CHRDL1: variants seen among roughly 807,000 people sequenced by gnomAD.
CHRDL1 encodes chordin like 1, also known as chordin-like protein 1.
In CHRDL1, 19 loss-of-function variants were observed where a neutral mutation model predicts 40.9. That is an observed-to-expected ratio of 0.46 (90% CI 0.32 to 0.68). The LOEUF (loss-of-function observed/expected upper bound fraction) is 0.68. Among genes scored for constraint, CHRDL1 ranks in the 30% least tolerant of loss-of-function variants. The probability of loss-of-function intolerance (pLI) is 0.03; values close to 1 mark genes in which losing one functional copy is unlikely to be tolerated. For synonymous variants in CHRDL1, 136 were observed against 123.4 expected (o/e 1.10, Z -0.68); for missense variants, 329 against 352.1 (o/e 0.93, Z 0.53).
chrX:110,781,410 G>A (rs1007534625), intron 2 of CHRDL1, among the ~76,000 whole-genome samples: 14 of 111,157 alleles, frequency 1.3e-4, no homozygotes, highest in Admixed American at 4.8e-4. Flanking sequence ...TAAGCTAAAA[G>A]TTACTTTGTA....
intron 4 of CHRDL1, among the ~76,000 whole-genome samples, chrX:110,727,978 A>T (rs73528224): frequency 0.031 from 3,454 of 111,776 alleles, 131 homozygotes; most frequent in African/African-American, 0.1. Context: ...TCATTATTAT[A>T]ACAAAATATT....
chrX:110,744,502 T>C (rs889126042), intron 4 of CHRDL1, among the ~76,000 whole-genome samples: 4 of 111,512 alleles, frequency 3.6e-5, no homozygotes, highest in African/African-American at 9.8e-5. Flanking sequence ...GATCAGCTGA[T>C]CTGGGCCTCA....
At chrX:110,685,538 C>T (rs2069991158) in intron 9 of CHRDL1, among the ~76,000 whole-genome samples, 1 of 112,237 alleles carries the variant, frequency 8.9e-6, no homozygotes, top group African/African-American at 3.2e-5. Context: ...GCTGGGATTA[C>T]AAGCATGGGC....
chrX:110,682,607 A>G (rs1163023248), intron 9 of CHRDL1, among the ~76,000 whole-genome samples: 1 of 112,483 alleles, frequency 8.9e-6, no homozygotes, highest in Non-Finnish European at 1.9e-5. Context: ...GTTGAGGATG[A>G]AACCACTGAG....
intron 8 of CHRDL1, among the ~76,000 whole-genome samples, chrX:110,691,138 C>T (rs994537696): frequency 9.3e-5 from 10 of 107,701 alleles, no homozygotes; most frequent in Admixed American, 8.2e-4. Flanking sequence ...CACTTGGGCC[C>T]GGGAAGTCGA....
intron 4 of CHRDL1, among the ~76,000 whole-genome samples, chrX:110,750,679 A>G (rs1056843432): frequency 1.8e-5 from 2 of 111,803 alleles, no homozygotes; most frequent in African/African-American, 6.5e-5. Flanking sequence ...ACAACAAGTC[A>G]TGAACAATGG....
rs1359635871 is a variant in CHRDL1 at position 110,766,321 on chromosome X, C to A, written c.95-3514G>T. Among the ~76,000 whole-genome samples the A allele has an allele frequency of 2.7e-5, 3 of 109,923 alleles. No homozygotes were observed. The East Asian group carries it at 8.6e-4, about 32-fold the overall frequency. ...AAACAAGAACAAACCAAACCCAAAC[C>A]CAGCAGAAGAAAGGAAATAACCAAG... On this transcript the variant is annotated intron_variant, in intron 2 of 11. Coordinates refer to ENST00000372042, the MANE Select transcript of CHRDL1 (RefSeq NM_001143981.2).
chrX:110,778,604 A>G (rs1240776385), intron 2 of CHRDL1, among the ~76,000 whole-genome samples: 2 of 111,780 alleles, frequency 1.8e-5, no homozygotes, highest in Non-Finnish European at 3.8e-5. Context: ...AAAAAATAAC[A>G]GATGCTGGCA....
chrX:110,765,174 C>T (rs2089637452), intron 2 of CHRDL1, among the ~76,000 whole-genome samples: 1 of 110,721 alleles, frequency 9.0e-6, no homozygotes, highest in Non-Finnish European at 1.9e-5. Flanking sequence ...GTTCTTGCAC[C>T]CCCTCCCCTT....
In CHRDL1 at chrX:110,719,944, A is replaced by T; in HGVS notation, c.448-16T>A. On this transcript the variant is annotated splice_polypyrimidine_tract_variant and intron_variant, in intron 5 of 11. Transcript: ENST00000372042. ...CGTTTCCCTCCTGCCAAGGAGAAAC[A>T]GAATTAAGATTAGAAGCATCTAGGA... 1 of 1,091,710 alleles carries T rather than the reference A, an allele frequency of 9.2e-7. No individual in the cohort carries two copies. The highest frequency in any genetic ancestry group is 1.3e-6 in the Non-Finnish European group (1 of 787,391). The allele number at this position is 1,091,710 out of a possible 1,213,427, so 90.0% of individuals were successfully genotyped here. A position where few individuals can be genotyped will look rare whatever the true frequency, so the allele number is the denominator to read the frequency against.
chrX:110,684,028 C>CG (rs1309336448), intron 9 of CHRDL1, among the ~76,000 whole-genome samples: 1 of 111,448 alleles, frequency 9.0e-6, no homozygotes, highest in African/African-American at 3.3e-5. Context: ...ATCTTTTCTT[C>CG]GGCCTCTTAA....
intron 8 of CHRDL1, among the ~76,000 whole-genome samples, chrX:110,689,799 CTATATATCTA>C (rs2070191817): frequency 2.5e-5 from 1 of 39,573 alleles, no homozygotes; most frequent in Admixed American, 3.2e-4. Flanking sequence ...ATCTATACAT[CTATATATCTA>C]TATATATCTA....
At chrX:110,762,900 T>C in intron 2 of CHRDL1, 93 bp from the exon 3 acceptor site, 4 of 542,793 alleles carry the variant, frequency 7.4e-6, no homozygotes, top group Admixed American at 2.8e-5. Flanking sequence ...CATTTTATTA[T>C]ACATCAAGAG....
intron 8 of CHRDL1, among the ~76,000 whole-genome samples, chrX:110,689,504 A>ATCTC (rs2070130013): frequency 2.0e-5 from 1 of 49,368 alleles, no homozygotes; most frequent in Non-Finnish European, 3.1e-5. Context: ...ATATATCTAT[A>ATCTC]TATCTATATC....
intron 6 of CHRDL1, among the ~76,000 whole-genome samples, chrX:110,702,992 T>C (rs915398810): frequency 2.7e-5 from 3 of 111,987 alleles, no homozygotes; most frequent in African/African-American, 9.7e-5. Context: ...TGGGCCTTCC[T>C]TGTCTCCCTA....
At chrX:110,710,505 G>A (rs1835290153) in intron 6 of CHRDL1, among the ~76,000 whole-genome samples, 1 of 112,345 alleles carries the variant, frequency 8.9e-6, no homozygotes, top group South Asian at 3.7e-4. Flanking sequence ...CCAGATGGCC[G>A]ATTAGGAATC....
At chrX:110,785,404 G>A (rs900508918) in intron 2 of CHRDL1, among the ~76,000 whole-genome samples, 8 of 111,813 alleles carry the variant, frequency 7.2e-5, no homozygotes, top group African/African-American at 2.6e-4. Context: ...AACAGACACA[G>A]GAGATGTGGA....
rs1491381118 is a variant in CHRDL1, at chrX:110,674,504, CAA to C, written c.*1725_*1726del. The C allele has an allele frequency of 1.5e-3, 154 of 104,170 alleles. 5 individuals are homozygous for C. Among genetic ancestry groups the C allele is most frequent in the African/African-American group, 3.7e-3 (106 of 28,820 alleles). The allele number at this position is 104,170 out of a possible 1,213,427, so 8.6% of individuals were successfully genotyped here. ...ACACACACACACACACACACACACA[CAA>C]ACTAATGCTTTGTGACCTCTCAACC... is the stretch of plus-strand genomic sequence containing the variant. On this transcript the variant is annotated 3_prime_UTR_variant, in exon 12 of 12. Coordinates refer to ENST00000372042, the MANE Select transcript of CHRDL1 (RefSeq NM_001143981.2).
chrX:110,720,041 C>T, intron 5 of CHRDL1, 113 bp from the exon 6 acceptor site: 1 of 434,010 alleles, frequency 2.3e-6, no homozygotes, highest in Non-Finnish European at 4.0e-6. Flanking sequence ...TTCCCCCCAG[C>T]TCTCCCATCG....
Sources: gnomAD v4.1 joint callset for allele counts (sites outside exome capture counted in the v4.1 genomes callset) on GRCh38, gnomAD v4.1.1 for gene constraint, MANE v1.5 for transcripts, NCBI Gene and HGNC (gene_info 2026-07-23, HGNC 2026-07-21) for gene names.